Variants in MAP2K4 observed in about 807,000 individuals in gnomAD.
The protein encoded by MAP2K4 is dual specificity mitogen-activated protein kinase kinase 4.
In MAP2K4, 4 loss-of-function variants were observed where a neutral mutation model predicts 48.5. The observed-to-expected ratio is 0.08, with a 90% CI of 0.04 to 0.19. The LOEUF (loss-of-function observed/expected upper bound fraction) is 0.19, where lower values mean the gene tolerates loss of function less well. Ranked by LOEUF, MAP2K4 falls within the 10% of genes least tolerant of loss-of-function variation. The probability of loss-of-function intolerance (pLI) is 1.00; values close to 1 mark genes in which losing one functional copy is unlikely to be tolerated. For synonymous variants in MAP2K4, 166 were observed against 173.1 expected (o/e 0.96, Z 0.32); for missense variants, 258 against 493.3 (o/e 0.52, Z 4.52).
chr17:12,106,194 A>G (rs1972105161), intron 4 of MAP2K4, among the ~76,000 whole-genome samples: 1 of 152,068 alleles, frequency 6.6e-6, no homozygotes, highest in African/African-American at 2.4e-5. Flanking sequence ...AATGTGCTGT[A>G]TGTCTCTAAT....
intron 1 of MAP2K4, among the ~76,000 whole-genome samples, chr17:12,053,413 C>T (rs1970199518): frequency 6.6e-6 from 1 of 151,804 alleles, no homozygotes; most frequent in Non-Finnish European, 1.5e-5. Flanking sequence ...ATATTCTTAT[C>T]ACTTTTTTTC....
chr17:12,091,147 T>C (rs367710296), intron 3 of MAP2K4, among the ~76,000 whole-genome samples: 12 of 152,196 alleles, frequency 7.9e-5, no homozygotes, highest in African/African-American at 2.4e-4. Flanking sequence ...AAAAGAGTTA[T>C]TTATACTTTA....
At chr17:12,079,494 C>A (rs1371188187) in intron 2 of MAP2K4, among the ~76,000 whole-genome samples, 1 of 152,166 alleles carries the variant, frequency 6.6e-6, no homozygotes, top group East Asian at 1.9e-4. Context: ...GTCCCACTCA[C>A]ACCCAAAGAA....
At chr17:12,097,806 C>G (rs1971808677) in intron 4 of MAP2K4, among the ~76,000 whole-genome samples, 1 of 152,076 alleles carries the variant, frequency 6.6e-6, no homozygotes, top group Non-Finnish European at 1.5e-5. Context: ...GCTGTTCCTT[C>G]TATTTTATTA....
At chr17:12,126,418 T>C (rs930240045) in intron 8 of MAP2K4, among the ~76,000 whole-genome samples, 5 of 152,194 alleles carry the variant, frequency 3.3e-5, no homozygotes, top group South Asian at 2.1e-4. Context: ...TATAATCTTA[T>C]CAAGAACAGA....
intron 7 of MAP2K4, among the ~76,000 whole-genome samples, chr17:12,116,785 A>G (rs1972512608): frequency 6.6e-6 from 1 of 152,152 alleles, no homozygotes; most frequent in Non-Finnish European, 1.5e-5. Context: ...CTTCTTTGTA[A>G]TACCTCCTGA....
intron 3 of MAP2K4, among the ~76,000 whole-genome samples, chr17:12,090,941 C>G (rs546766681): frequency 7.9e-5 from 12 of 151,862 alleles, no homozygotes; most frequent in Admixed American, 7.9e-4. Context: ...TCATACTTAC[C>G]GATGTTAGTT....
rs943708197 is a variant in MAP2K4 at position 12,055,127 on chromosome 17, C to T, written c.218+136C>T. 3.2e-5 allele frequency: 17 copies of T among 533,728 alleles called. No homozygotes were observed. The African/African-American group carries it at 3.3e-4, about 10-fold the overall frequency. 33.1% of individuals were successfully genotyped at this position (533,728 alleles called of 1,614,324 possible). The stretch of plus-strand genomic sequence containing the variant: ...CTCTGGGAATATTGTTTATTCTTTT[C>T]CTTCTGGAGTTCCAGTTAAATTGCA... On this transcript the variant is annotated intron_variant, in intron 2 of 10. Transcript: ENST00000353533.
intron 1 of MAP2K4, among the ~76,000 whole-genome samples, chr17:12,044,358 C>T (rs938758940): frequency 6.6e-6 from 1 of 152,186 alleles, no homozygotes; most frequent in Admixed American, 6.5e-5. Flanking sequence ...AAGTTCTCTG[C>T]ATCTTATAGC....
At chr17:12,025,588 G>A (rs1045301649) in intron 1 of MAP2K4, among the ~76,000 whole-genome samples, 3 of 152,190 alleles carry the variant, frequency 2.0e-5, no homozygotes, top group Admixed American at 1.3e-4. Flanking sequence ...TGTTGTAGGT[G>A]CCTCTGATTC....
At chr17:12,083,057 A>C (rs529827440) in intron 3 of MAP2K4, among the ~76,000 whole-genome samples, 2 of 152,250 alleles carry the variant, frequency 1.3e-5, no homozygotes, top group African/African-American at 4.8e-5. Context: ...TAAAGTTGTA[A>C]ACTTTTCTTT....
In MAP2K4 at chr17:12,143,497, A is replaced by G. The variant is rs1399223938; in HGVS notation, c.*2237A>G. On this transcript the variant is annotated 3_prime_UTR_variant, in exon 11 of 11. Coordinates refer to ENST00000353533, the MANE Select transcript of MAP2K4 (RefSeq NM_003010.4). ...GCTCTGGTTATTTTTCTCTTGTACC[A>G]TAGAAAAATGTATAAAAATTATCAA... is the stretch of plus-strand genomic sequence containing the variant. 4 of 231,912 alleles carry G rather than the reference A, an allele frequency of 1.7e-5. No individual in the cohort carries two copies. Among genetic ancestry groups the G allele is most frequent in the Non-Finnish European group, 3.4e-5 (4 of 117,030 alleles). 14.4% of individuals were successfully genotyped at this position (231,912 alleles called of 1,614,324 possible).
rs1971196130 is a variant in MAP2K4, at chr17:12,081,824, G to A, written c.393+294G>A. 6 of 492,992 alleles carry A rather than the reference G, an allele frequency of 1.2e-5. No individual in the cohort carries two copies. The highest frequency in any genetic ancestry group is 2.1e-5 in the Non-Finnish European group (5 of 243,538). The allele number at this position is 492,992 out of a possible 1,614,324, so 30.5% of individuals were successfully genotyped here. ...TACTGCCAAGGTGAGTTCAGGCTGG[G>A]CGGCTGCACCCCTGGGAGCAGGGCA... On this transcript the variant is annotated intron_variant, in intron 3 of 10. Coordinates refer to ENST00000353533, the MANE Select transcript of MAP2K4 (RefSeq NM_003010.4). This position sits in a 1 kb window ranked among gnomAD's most constrained non-coding sequence, Gnocchi z 4.2.
At chr17:12,070,614 C>T (rs547531760) in intron 2 of MAP2K4, among the ~76,000 whole-genome samples, 6 of 152,070 alleles carry the variant, frequency 3.9e-5, no homozygotes, top group Non-Finnish European at 8.8e-5. Flanking sequence ...ATGATAGATG[C>T]AATTTAGGTT....
chr17:12,034,405 T>C (rs1156981763), intron 1 of MAP2K4, among the ~76,000 whole-genome samples: 1 of 152,242 alleles, frequency 6.6e-6, no homozygotes, highest in Non-Finnish European at 1.5e-5. Flanking sequence ...CTTTGATTAT[T>C]CACCTTGATT....
chr17:12,127,434 A>G (rs1190592394), intron 8 of MAP2K4, among the ~76,000 whole-genome samples: 2 of 152,260 alleles, frequency 1.3e-5, no homozygotes, highest in African/African-American at 2.4e-5. Flanking sequence ...ATTACGTTTT[A>G]AAAGCAAGTA....
At chr17:12,028,165 T>A (rs1469609840) in intron 1 of MAP2K4, among the ~76,000 whole-genome samples, 1 of 152,214 alleles carries the variant, frequency 6.6e-6, no homozygotes. Context: ...TGTACTGTGC[T>A]TCATTAAACA....
intron 1 of MAP2K4, among the ~76,000 whole-genome samples, chr17:12,037,191 A>C (rs1969628922): frequency 6.6e-6 from 1 of 152,090 alleles, no homozygotes; most frequent in South Asian, 2.1e-4. Context: ...TATTTGGAGG[A>C]AAAAAAGGAG....
In MAP2K4 at chr17:12,142,772, A is replaced by G. The variant is rs190166554; in HGVS notation, c.*1512A>G. On this transcript the variant is annotated 3_prime_UTR_variant, in exon 11 of 11. Transcript: ENST00000353533. ...GTGCTTCTTCACTTACCCATTAGCC[A>G]GGTTCTCATTAGGTTTTGCTTGGGC... is the stretch of plus-strand genomic sequence containing the variant. The G allele has an allele frequency of 2.2e-4, 51 of 232,918 alleles. No homozygotes were observed. Among genetic ancestry groups the G allele is most frequent in the Middle Eastern group, 2.6e-3 (2 of 784 alleles). 14.4% of individuals were successfully genotyped at this position (232,918 alleles called of 1,614,324 possible).
Sources: gnomAD v4.1 joint callset for allele counts (sites outside exome capture counted in the v4.1 genomes callset) on GRCh38, gnomAD v4.1.1 for gene constraint, Gnocchi (gnomAD v3.1) non-coding constraint, MANE v1.5 for transcripts, NCBI Gene and HGNC (gene_info 2026-07-23, HGNC 2026-07-21) for gene names.